The following MYRIP variants were observed in gnomAD, a reference collection of about 807,000 sequenced individuals.
MYRIP encodes rab effector MyRIP.
In MYRIP, 49 loss-of-function variants were observed where a neutral mutation model predicts 98.0. That is an observed-to-expected ratio of 0.50 (90% CI 0.40 to 0.63). The LOEUF is 0.63. MYRIP is among the 30% of genes least tolerant of loss of function. MYRIP has a pLI of 0.00. For missense variants in MYRIP, 1,004 were observed against 1,058.2 expected (o/e 0.95, Z 0.71); for synonymous variants, 404 against 409.5 (o/e 0.99, Z 0.16).
intron 3 of MYRIP, among the ~76,000 whole-genome samples, chr3:40,093,419 C>T (rs575703369): frequency 2.4e-4 from 37 of 152,308 alleles, no homozygotes; most frequent in African/African-American, 7.7e-4. Flanking sequence ...TCCACAGGAC[C>T]GAACAGGGGC....
At chr3:39,893,674 T>TCACACACA (rs66667492) in intron 1 of MYRIP, among the ~76,000 whole-genome samples, 288 of 147,174 alleles carry the variant, frequency 2.0e-3, no homozygotes, top group African/African-American at 6.8e-3. Context: ...TAAGTGGAAA[T>TCACACACA]CACACACACA....
chr3:40,073,835 C>T (rs1440789123), intron 3 of MYRIP, among the ~76,000 whole-genome samples: 1 of 152,200 alleles, frequency 6.6e-6, no homozygotes, highest in African/African-American at 2.4e-5. Context: ...GCTTTCGCCC[C>T]CAGGGGCTCC....
intron 1 of MYRIP, among the ~76,000 whole-genome samples, chr3:39,838,617 C>G (rs986719372): frequency 6.6e-6 from 1 of 151,918 alleles, no homozygotes; most frequent in Non-Finnish European, 1.5e-5. Context: ...TTGCTAGTAT[C>G]TTATTGAGGA....
intron 11 of MYRIP, among the ~76,000 whole-genome samples, chr3:40,212,237 C>CAT (rs1341708300): frequency 2.3e-5 from 1 of 44,138 alleles, no homozygotes; most frequent in Non-Finnish European, 7.1e-5. Context: ...CACACACACA[C>CAT]ACACACACAT....
chr3:39,887,268 C>A (rs1254216015), intron 1 of MYRIP, among the ~76,000 whole-genome samples: 1 of 151,486 alleles, frequency 6.6e-6, no homozygotes, highest in Non-Finnish European at 1.5e-5. Context: ...CCTAACATCA[C>A]AATTAAAAGA....
At chr3:39,995,967 C>T (rs550291598) in intron 2 of MYRIP, among the ~76,000 whole-genome samples, 1 of 152,158 alleles carries the variant, frequency 6.6e-6, no homozygotes, top group Non-Finnish European at 1.5e-5. Context: ...AAATCCTTTA[C>T]AGACAAGCAA....
At chr3:39,882,149 TATA>T (rs1470548513) in intron 1 of MYRIP, among the ~76,000 whole-genome samples, 2 of 152,142 alleles carry the variant, frequency 1.3e-5, no homozygotes, top group Non-Finnish European at 2.9e-5. Context: ...TGAGCTGTAG[TATA>T]ATGAGTGATG....
At position 40,147,324 on chromosome 3, in the gene MYRIP, T is replaced by G. The variant is rs142801953; in HGVS notation, c.333-3724T>G. Among the ~76,000 whole-genome samples, 276 of 152,306 alleles carry G rather than the reference T, an allele frequency of 1.8e-3. 1 individual carries two copies. Among genetic ancestry groups the G allele is most frequent in the African/African-American group, 6.4e-3 (268 of 41,584 alleles). On this transcript the variant is annotated intron_variant, in intron 3 of 16. Transcript: ENST00000302541. ...AAGATTTTGACTCCATTCTGCAAGA[T>G]GGGGAAATTAGCATCTCTGAACTAC...
chr3:40,207,071 ATAC>A (rs1216301525), intron 10 of MYRIP, among the ~76,000 whole-genome samples: 2 of 152,192 alleles, frequency 1.3e-5, no homozygotes, highest in Non-Finnish European at 2.9e-5. Context: ...AATTTAGTGC[ATAC>A]TACAACAGTA....
At chr3:40,129,919 CAT>C (rs746174411) in intron 3 of MYRIP, among the ~76,000 whole-genome samples, 14 of 152,206 alleles carry the variant, frequency 9.2e-5, no homozygotes, top group East Asian at 1.9e-4. Context: ...TGAGAATACA[CAT>C]GTTTACAAAT....
chr3:39,932,816 C>G (rs145729923), intron 2 of MYRIP, among the ~76,000 whole-genome samples: 228 of 152,290 alleles, frequency 1.5e-3, no homozygotes, highest in African/African-American at 5.1e-3. Flanking sequence ...GGGTATATGT[C>G]TTACACATTG....
chr3:40,049,174 T>C (rs1417967583), intron 3 of MYRIP, among the ~76,000 whole-genome samples: 1 of 152,202 alleles, frequency 6.6e-6, no homozygotes, highest in Non-Finnish European at 1.5e-5. Context: ...TGTCATTTTG[T>C]ACGTCATAGG....
intron 15 of MYRIP, among the ~76,000 whole-genome samples, 193 bp from the exon 16 acceptor site, chr3:40,251,688 G>T (rs1953382012): frequency 6.6e-6 from 1 of 152,150 alleles, no homozygotes; most frequent in Non-Finnish European, 1.5e-5. Context: ...AGCTATCAAT[G>T]ATGCCCTGAC....
chr3:40,204,236 T>TATATA lies in MYRIP; in HGVS notation c.1666-5618_1666-5617insATATA, dbSNP rs71091795. On this transcript the variant is annotated intron_variant, in intron 10 of 16. Coordinates refer to ENST00000302541, the MANE Select transcript of MYRIP (RefSeq NM_015460.4). ...TATATTATATATAAATATATATATA[T>TATATA]TTTTTTTTTTTGAGACAGAGTCTCA... Among the ~76,000 whole-genome samples the TATATA allele has an allele frequency of 2.1e-4, 13 of 61,428 alleles. 2 individuals are homozygous for TATATA. Among genetic ancestry groups the TATATA allele is most frequent in the African/African-American group, 6.8e-4 (11 of 16,248 alleles). The allele number at this position is 61,428 out of a possible 152,430, so 40.3% of individuals were successfully genotyped here. A position where few individuals can be genotyped will look rare whatever the true frequency, so the allele number is the denominator to read the frequency against.
At chr3:39,885,121 A>C (rs1943256139) in intron 1 of MYRIP, among the ~76,000 whole-genome samples, 1 of 152,048 alleles carries the variant, frequency 6.6e-6, no homozygotes, top group Non-Finnish European at 1.5e-5. Flanking sequence ...TTCAGTCTGC[A>C]CTTATCTTTT....
chr3:39,827,058 G>C (rs930364267), intron 1 of MYRIP, among the ~76,000 whole-genome samples: 1 of 152,178 alleles, frequency 6.6e-6, no homozygotes, highest in Non-Finnish European at 1.5e-5. Flanking sequence ...TTCCAGGTAA[G>C]GTGAGTTTCT....
chr3:40,023,592 C>T (rs776776902), intron 2 of MYRIP, among the ~76,000 whole-genome samples: 4 of 152,170 alleles, frequency 2.6e-5, no homozygotes, highest in Non-Finnish European at 4.4e-5. Flanking sequence ...AGTCTCCTGC[C>T]TCTGCTGGAA....
chr3:40,235,334 A>G (rs923263851), intron 12 of MYRIP, among the ~76,000 whole-genome samples: 4 of 152,228 alleles, frequency 2.6e-5, no homozygotes, highest in African/African-American at 9.7e-5. Flanking sequence ...CTTTGGAAAT[A>G]AAACATTTAG....
At chr3:40,236,356 T>G (rs1329169580) in intron 12 of MYRIP, among the ~76,000 whole-genome samples, 1 of 152,230 alleles carries the variant, frequency 6.6e-6, no homozygotes, top group African/African-American at 2.4e-5. Context: ...TAAAGGACTT[T>G]GTAATTTCCC....
Sources: allele counts gnomAD v4.1 joint callset (sites outside exome capture counted in the v4.1 genomes callset), GRCh38; gene constraint gnomAD v4.1.1; transcripts MANE v1.5; gene names NCBI Gene and HGNC (gene_info 2026-07-23, HGNC 2026-07-21).